CDYL: variants seen among roughly 807,000 people sequenced by gnomAD.
CDYL encodes chromodomain Y like.
A neutral mutation model predicts 47.3 loss-of-function variants in CDYL; 8 were observed. The ratio of observed to expected loss-of-function variants is 0.17; its 90% confidence interval spans 0.10 to 0.31. CDYL has a LOEUF of 0.31. CDYL is among the 10% of genes least tolerant of loss of function. CDYL has a pLI of 1.00. For synonymous variants in CDYL, 266 were observed against 265.0 expected (o/e 1.00, Z -0.04); for missense variants, 471 against 701.4 (o/e 0.67, Z 3.71).
intron 3 of CDYL, among the ~76,000 whole-genome samples, chr6:4,752,667 A>C (rs765554954): frequency 6.6e-6 from 1 of 152,148 alleles, no homozygotes; most frequent in East Asian, 1.9e-4. Flanking sequence ...AGTGAAAATC[A>C]TGGAATATTA....
At chr6:4,807,561 A>G (rs906174471) in intron 1 of CDYL, among the ~76,000 whole-genome samples, 2 of 109,048 alleles carry the variant, frequency 1.8e-5, no homozygotes, top group Admixed American at 9.0e-5. Context: ...AGGAGAAGCT[A>G]TTCCTTCTCT....
intron 2 of CDYL, among the ~76,000 whole-genome samples, chr6:4,721,416 A>T (rs986753863): frequency 1.3e-5 from 2 of 151,962 alleles, no homozygotes; most frequent in African/African-American, 4.8e-5. Context: ...AGAGTCTTGC[A>T]CTGTCACCCA....
At chr6:4,836,770 T>C (rs1420233480) in intron 1 of CDYL, among the ~76,000 whole-genome samples, 1 of 152,086 alleles carries the variant, frequency 6.6e-6, no homozygotes, top group Admixed American at 6.6e-5. Flanking sequence ...AAGGAAAAAA[T>C]GCTGGGACTG....
chr6:4,896,566 TAAC>T lies in CDYL; in HGVS notation c.691+4192_691+4194del, dbSNP rs199960540. 4.0e-3 allele frequency among the ~76,000 whole-genome samples: 603 copies of T among 152,230 alleles called. 14 individuals carry two copies. The highest frequency in any genetic ancestry group is 0.034 in the Admixed American group (518 of 15,292). Reference sequence around the variant, plus strand: ...CAGGAGGGGAGAAATGCTATTGAAATAACAACATATATGGCCAGAAACACAGAC... The same window carrying T: ...CAGGAGGGGAGAAATGCTATTGAAATAACATATATGGCCAGAAACACAGAC... On this transcript the variant is annotated intron_variant, in intron 2 of 6. Transcript: ENST00000397588.
intron 1 of CDYL, among the ~76,000 whole-genome samples, chr6:4,884,340 G>C (rs891293552): frequency 2.0e-5 from 3 of 152,160 alleles, no homozygotes; most frequent in Non-Finnish European, 4.4e-5. Flanking sequence ...CAGGATTTTA[G>C]TTTGGCTCAT....
chr6:4,708,662 G>C (rs531835091), intron 1 of CDYL, among the ~76,000 whole-genome samples: 1 of 152,174 alleles, frequency 6.6e-6, no homozygotes, highest in East Asian at 1.9e-4. Context: ...CATGAATAAA[G>C]TTTATAAATC....
chr6:4,779,914 TA>T (rs1758565052), intron 1 of CDYL, among the ~76,000 whole-genome samples: 1 of 152,228 alleles, frequency 6.6e-6, no homozygotes, highest in Admixed American at 6.5e-5. Flanking sequence ...ATTCACTTAG[TA>T]TATTTCATAT....
In CDYL at chr6:4,848,602, A is replaced by T. The variant is rs1304485994; in HGVS notation, c.25-43111A>T. On this transcript the variant is annotated intron_variant, in intron 1 of 6. Transcript: ENST00000397588. ...GCATCACAGCTGATCCGAAAGTTAA[A>T]TTCAATGAAAAGGCAAATATTTTGG... Among the ~76,000 whole-genome samples, 5 of 152,250 alleles carry T rather than the reference A, an allele frequency of 3.3e-5. No homozygotes were observed. In the East Asian group the frequency reaches 9.6e-4, roughly 29 times the overall value.
chr6:4,761,257 T>A (rs936196418), intron 3 of CDYL, among the ~76,000 whole-genome samples: 1 of 152,202 alleles, frequency 6.6e-6, no homozygotes, highest in African/African-American at 2.4e-5. Context: ...CTTTCAAAGC[T>A]GTATCTCGAG....
At chr6:4,789,456 G>A (rs1289408819) in intron 1 of CDYL, among the ~76,000 whole-genome samples, 1 of 152,056 alleles carries the variant, frequency 6.6e-6, no homozygotes, top group Non-Finnish European at 1.5e-5. Flanking sequence ...TGTCTTGCTG[G>A]GCCGGTTTTA....
At chr6:4,776,060 G>T (rs1241237675), upstream of CDYL, among the ~76,000 whole-genome samples, 2 of 150,510 alleles carry the variant, frequency 1.3e-5, no homozygotes, top group African/African-American at 2.4e-5. Flanking sequence ...CCTGGGCCGG[G>T]CCGCAAGCGC....
At chr6:4,937,860 A>T (rs190735611) in intron 4 of CDYL, 123 bp downstream of exon 4, 2 of 699,436 alleles carry the variant, frequency 2.9e-6, no homozygotes, top group South Asian at 2.2e-5. Context: ...ATGGAGAGAC[A>T]CGAGCAGCAA....
intron 3 of CDYL, among the ~76,000 whole-genome samples, chr6:4,736,349 A>G (rs4960042): frequency 0.86 from 130,224 of 152,264 alleles, 56,168 homozygotes; most frequent in Non-Finnish European, 0.91. Flanking sequence ...GTACTACTAT[A>G]GTTTGTTGCG....
rs544906246 is a variant in CDYL at position 4,779,138 on chromosome 6, A to G, written c.24+2331A>G. Reference sequence around the variant, plus strand: ...GTTGTATTGTTTTCATAAAGGCAGTATTATCTGTAGGGCAGAAGTGATACG... The same window carrying G: ...GTTGTATTGTTTTCATAAAGGCAGTGTTATCTGTAGGGCAGAAGTGATACG... On this transcript the variant is annotated intron_variant, in intron 1 of 6. Transcript: ENST00000397588. 3.3e-5 allele frequency among the ~76,000 whole-genome samples: 5 copies of G among 152,308 alleles called. No homozygotes were observed. In the South Asian group the frequency reaches 1.0e-3, roughly 32 times the overall value.
intron 2 of CDYL, among the ~76,000 whole-genome samples, chr6:4,925,655 A>C (rs1757851528): frequency 6.6e-6 from 1 of 151,960 alleles, no homozygotes; most frequent in South Asian, 2.1e-4. Flanking sequence ...TGCCCTCGTG[A>C]TCCGCCCACC....
chr6:4,750,262 G>C (rs1757967109), intron 3 of CDYL, among the ~76,000 whole-genome samples: 3 of 152,050 alleles, frequency 2.0e-5, no homozygotes, highest in Admixed American at 6.5e-5. Flanking sequence ...GAGAGCAATG[G>C]CACGATCTTG....
Position 4,895,097 on chromosome 6 carries a change from G to A in CDYL, c.691+2718G>A, listed in dbSNP as rs138363331. ...TATCTATATGCACATATATGTACAT[G>A]TGTGTATATGTATCTATATGCATAT... On this transcript the variant is annotated intron_variant, in intron 2 of 6. Coordinates refer to ENST00000397588, the MANE Select transcript of CDYL (RefSeq NM_004824.4). 6.7e-3 allele frequency among the ~76,000 whole-genome samples: 1,002 copies of A among 150,360 alleles called. 19 individuals carry two copies. The highest frequency in any genetic ancestry group is 0.023 in the African/African-American group (947 of 40,856).
At chr6:4,894,881 ATGTG>A (rs145900935) in intron 2 of CDYL, among the ~76,000 whole-genome samples, 16 of 140,490 alleles carry the variant, frequency 1.1e-4, no homozygotes, top group Middle Eastern at 7.0e-3. Context: ...ACACATGTGT[ATGTG>A]TGTGTATATA....
intron 1 of CDYL, among the ~76,000 whole-genome samples, chr6:4,779,701 T>A (rs552229952): frequency 6.6e-6 from 1 of 152,304 alleles, no homozygotes; most frequent in South Asian, 2.1e-4. Context: ...CGGCGTAGGT[T>A]AGAACTTCAT....
Sources: allele counts gnomAD v4.1 joint callset (sites outside exome capture counted in the v4.1 genomes callset), GRCh38; gene constraint gnomAD v4.1.1; transcripts MANE v1.5; gene names NCBI Gene and HGNC (gene_info 2026-07-23, HGNC 2026-07-21).